SLC6A5: variants seen among roughly 807,000 people sequenced by gnomAD.
SLC6A5 encodes the protein solute carrier family 6 member 5, also known as sodium- and chloride-dependent glycine transporter 2.
A neutral mutation model predicts 90.5 loss-of-function variants in SLC6A5; 58 were observed. The observed-to-expected ratio is 0.64, with a 90% CI of 0.52 to 0.80. SLC6A5 has a LOEUF of 0.80. SLC6A5 is among the 30% of genes least tolerant of loss of function. The pLI is 0.00. For missense variants in SLC6A5, 1,015 were observed against 1,017.6 expected, an observed-to-expected ratio of 1.00 and a Z score of 0.03; for synonymous variants, 427 against 401.4, an observed-to-expected ratio of 1.06 and a Z score of -0.76.
intron 3 of SLC6A5, among the ~76,000 whole-genome samples, chr11:20,604,765 C>T (rs942797278): frequency 2.0e-5 from 3 of 152,078 alleles, no homozygotes; most frequent in Non-Finnish European, 2.9e-5. Flanking sequence ...CTCCGGGCAT[C>T]CAACGAGGTT....
At chr11:20,628,529 T>C (rs1169055051) in intron 9 of SLC6A5, among the ~76,000 whole-genome samples, 1 of 152,228 alleles carries the variant, frequency 6.6e-6, no homozygotes, top group African/African-American at 2.4e-5. Flanking sequence ...TTCATTTAAC[T>C]TAATTACCTC....
At chr11:20,623,182 G>A (rs1394782865) in intron 7 of SLC6A5, among the ~76,000 whole-genome samples, 3 of 152,222 alleles carry the variant, frequency 2.0e-5, no homozygotes, top group African/African-American at 7.2e-5. Flanking sequence ...GTCCTGGTCA[G>A]CAGTGTCACA....
At chr11:20,626,934 T>TC in intron 8 of SLC6A5, 92 bp downstream of exon 8, 1 of 1,002,610 alleles carries the variant, frequency 1.0e-6, no homozygotes, top group Non-Finnish European at 1.6e-6. Context: ...CTCCAGGGAA[T>TC]CCCAGTGTGT....
chr11:20,652,559 G>A lies in SLC6A5; in HGVS notation c.2238+103G>A, dbSNP rs189348362. ...AGATTCGGTAAACTTATTCAAGAGG[G>A]AGACTTGGTGATGAAGCGATTACAG... On this transcript the variant is annotated intron_variant, in intron 15 of 15. Transcript: ENST00000525748. 2.6e-4 allele frequency: 296 copies of A among 1,154,206 alleles called. No homozygotes were observed. The African/African-American group carries it at 4.0e-3, about 15-fold the overall frequency. 71.5% of individuals were successfully genotyped at this position (1,154,206 alleles called of 1,614,324 possible).
chr11:20,608,898 G>GTCTC (rs200136921), intron 5 of SLC6A5, among the ~76,000 whole-genome samples: 13 of 134,904 alleles, frequency 9.6e-5, no homozygotes, highest in East Asian at 2.6e-4. Flanking sequence ...TGTGTTTATA[G>GTCTC]TCTCTCTCTC....
intron 5 of SLC6A5, 79 bp downstream of exon 5, chr11:20,607,731 A>G: frequency 8.8e-7 from 1 of 1,141,024 alleles, no homozygotes. Context: ...AACATATATT[A>G]TGCATGCTAG....
At chr11:20,621,881 G>A (rs1590165946) in intron 7 of SLC6A5, among the ~76,000 whole-genome samples, 6 of 152,212 alleles carry the variant, frequency 3.9e-5, no homozygotes, top group Admixed American at 3.9e-4. Context: ...AATTCCAGAG[G>A]CACGGGCGAC....
intron 2 of SLC6A5, among the ~76,000 whole-genome samples, chr11:20,602,671 C>A (rs537498358): frequency 2.1e-5 from 3 of 145,200 alleles, no homozygotes; most frequent in Admixed American, 7.1e-5. Context: ...ACCCTTCTAT[C>A]CTTAGTCACT....
intron 13 of SLC6A5, among the ~76,000 whole-genome samples, chr11:20,642,198 A>C (rs894807984): frequency 1.3e-5 from 2 of 149,058 alleles, no homozygotes; most frequent in African/African-American, 2.4e-5. Context: ...CTCTCTGAGC[A>C]CAGAGATCTG....
chr11:20,654,155 A>C (rs138568328), intron 15 of SLC6A5, among the ~76,000 whole-genome samples: 233 of 152,252 alleles, frequency 1.5e-3, no homozygotes, highest in African/African-American at 5.1e-3. Context: ...AGAAGCGTGC[A>C]TTTTGTCAAC....
At chr11:20,609,999 C>T (rs947826800) in intron 5 of SLC6A5, among the ~76,000 whole-genome samples, 4 of 152,216 alleles carry the variant, frequency 2.6e-5, no homozygotes, top group Non-Finnish European at 4.4e-5. Flanking sequence ...AAAATAGGAG[C>T]TAGCTGGGTC....
chr11:20,614,963 A>G, intron 6 of SLC6A5, 143 bp downstream of exon 6: 1 of 798,162 alleles, frequency 1.3e-6, no homozygotes, highest in South Asian at 1.4e-5. Flanking sequence ...GGCTTCCAAG[A>G]GCAGATTGTT....
intron 13 of SLC6A5, among the ~76,000 whole-genome samples, chr11:20,639,709 G>C (rs1249994154): frequency 1.9e-4 from 29 of 152,194 alleles, no homozygotes; most frequent in Non-Finnish European, 3.8e-4. Flanking sequence ...AGGGGGTGGA[G>C]TGGGAATCAA....
chr11:20,604,189 C>A, intron 2 of SLC6A5, 97 bp from the exon 3 acceptor site: 2 of 1,465,082 alleles, frequency 1.4e-6, no homozygotes, highest in Non-Finnish European at 1.8e-6. Context: ...TGGGAGCCTG[C>A]TTGCTGGGAA....
chr11:20,612,163 G>A (rs1852706297), intron 5 of SLC6A5, among the ~76,000 whole-genome samples: 1 of 152,170 alleles, frequency 6.6e-6, no homozygotes, highest in Non-Finnish European at 1.5e-5. Context: ...GGTGTGTATG[G>A]GAAGTGGTAG....
Position 20,654,913 on chromosome 11 carries a change from C to G in SLC6A5, c.*45C>G. ...CCAGACTTGATCCTGTTTTTCCTCT[C>G]TGCCTCCTCCTAATGTTTTCCATAG... On this transcript the variant is annotated 3_prime_UTR_variant, in exon 16 of 16. Transcript: ENST00000525748. The G allele has an allele frequency of 6.3e-7, 1 of 1,578,246 alleles. No homozygotes were observed. Among genetic ancestry groups the G allele is most frequent in the Middle Eastern group, 1.7e-4 (1 of 6,016 alleles).
rs121908496 is a variant in SLC6A5 at position 20,607,583 on chromosome 11, C to T, written c.916C>T (p.Leu306=). The change falls in exon 5 of 16, where the codon CTA becomes TTA. Residue 306 remains leucine, a synonymous_variant. Coordinates refer to ENST00000525748, the MANE Select transcript of SLC6A5 (RefSeq NM_004211.5). ...FYLFASFVSV[L]PWGSCNNPWN... ...CCTGTTTGCCTCCTTTGTGTCTGTA[C>T]TACCCTGGGGCTCCTGCAACAACCC... 1 of 1,613,982 alleles carries T rather than the reference C, an allele frequency of 6.2e-7. No homozygotes were observed. Among genetic ancestry groups the T allele is most frequent in the African/African-American group, 1.3e-5 (1 of 74,918 alleles).
At chr11:20,646,667 G>A (rs886770097) in intron 13 of SLC6A5, among the ~76,000 whole-genome samples, 167 bp from the exon 14 acceptor site, 2 of 152,084 alleles carry the variant, frequency 1.3e-5, no homozygotes, top group African/African-American at 4.8e-5. Flanking sequence ...TCCTGGCAGC[G>A]AGTCATTTGT....
In SLC6A5 at chr11:20,630,794, A is replaced by T. The variant is rs1853095196; in HGVS notation, c.1603A>T (p.Ile535Phe). The change falls in exon 10 of 16, where the codon ATT (isoleucine) becomes TTT (phenylalanine). Residue 535 changes from isoleucine to phenylalanine, a missense_variant. Physicochemically the swap from Ile to Phe is conservative, Grantham distance 21. Around this residue, in one of 3 missense-constraint regions of SLC6A5, gnomAD observed 442 missense variants for 494.3 expected, o/e 0.89. Coordinates refer to ENST00000525748, the MANE Select transcript of SLC6A5 (RefSeq NM_004211.5). The part of the protein sequence containing the change: ...GFMANERKVN[I>F]ENVADQGPGI... Reference sequence around the variant, plus strand: ...CATGGCCAATGAACGCAAAGTCAACATTGAGAATGTGGCAGACCAAGGTAC... The same window carrying T: ...CATGGCCAATGAACGCAAAGTCAACTTTGAGAATGTGGCAGACCAAGGTAC... 3.1e-6 allele frequency: 5 copies of T among 1,614,206 alleles called. No homozygotes were observed. The highest frequency in any genetic ancestry group is 1.7e-5 in the Admixed American group (1 of 60,030).
Sources: allele counts gnomAD v4.1 joint callset (sites outside exome capture counted in the v4.1 genomes callset), GRCh38; gene constraint gnomAD v4.1.1; regional missense constraint gnomAD v4.1.1; transcripts MANE v1.5; gene names NCBI Gene and HGNC (gene_info 2026-07-23, HGNC 2026-07-21).